Variants in EXT1 observed in about 807,000 individuals in gnomAD.
EXT1 encodes the protein exostosin-1.
A neutral mutation model predicts 82.5 loss-of-function variants in EXT1; 20 were observed. The ratio of observed to expected loss-of-function variants is 0.24; its 90% CI spans 0.17 to 0.35. The LOEUF (loss-of-function observed/expected upper bound fraction) is 0.35, where lower values mean the gene tolerates loss of function less well. Ranked by LOEUF, EXT1 falls within the 10% of genes least tolerant of loss-of-function variation. The pLI is 1.00. For missense variants in EXT1, 757 were observed against 936.5 expected (o/e 0.81, Z 2.50); for synonymous variants, 348 against 350.8 (o/e 0.99, Z 0.09).
chr8:117,849,365 A>G (rs1460045487), intron 1 of EXT1, among the ~76,000 whole-genome samples: 2 of 152,208 alleles, frequency 1.3e-5, no homozygotes, highest in Non-Finnish European at 2.9e-5. Flanking sequence ...CTGTGACCCC[A>G]GACCCTGTAC....
intron 1 of EXT1, among the ~76,000 whole-genome samples, chr8:118,080,509 A>T (rs948797140): frequency 6.6e-6 from 1 of 152,186 alleles, no homozygotes; most frequent in Non-Finnish European, 1.5e-5. Flanking sequence ...AGACTGAAAC[A>T]TTAGTTTTTA....
rs1816280229 is a variant in EXT1, at chr8:118,030,119, C to CGGT, written c.962+79965_962+79966insACC. Among the ~76,000 whole-genome samples, 46 of 152,084 alleles carry CGGT rather than the reference C, an allele frequency of 3.0e-4. 1 individual carries two copies. Among genetic ancestry groups the CGGT allele is most frequent in the Admixed American group, 3.0e-3 (46 of 15,272 alleles). On this transcript the variant is annotated intron_variant, in intron 1 of 10. Coordinates refer to ENST00000378204, the MANE Select transcript of EXT1 (RefSeq NM_000127.3). The stretch of plus-strand genomic sequence containing the variant: ...ATTAGATTTAAAACCGTGCTTTTCT[C>CGGT]TCTGAGGCTCTACAAACATCTCCCT...
chr8:117,972,556 G>A (rs779292228), intron 1 of EXT1, among the ~76,000 whole-genome samples: 4 of 152,130 alleles, frequency 2.6e-5, no homozygotes, highest in Non-Finnish European at 5.9e-5. Context: ...AAACACTCAC[G>A]CACACATACT....
intron 1 of EXT1, among the ~76,000 whole-genome samples, chr8:118,007,757 A>G (rs1236808394): frequency 6.6e-6 from 1 of 152,240 alleles, no homozygotes; most frequent in Non-Finnish European, 1.5e-5. Flanking sequence ...AGAAAGGAAC[A>G]GGGAGATGAC....
intron 1 of EXT1, among the ~76,000 whole-genome samples, chr8:118,062,130 C>T (rs1044898827): frequency 6.6e-6 from 1 of 152,146 alleles, no homozygotes; most frequent in African/African-American, 2.4e-5. Flanking sequence ...AACGTGGACA[C>T]GTGTTCCATG....
At chr8:117,926,359 T>C (rs537426028) in intron 1 of EXT1, among the ~76,000 whole-genome samples, 2 of 152,168 alleles carry the variant, frequency 1.3e-5, no homozygotes, top group East Asian at 3.9e-4. Flanking sequence ...AAAACTCGAG[T>C]GAGTTCCTTT....
chr8:117,946,047 G>A lies in EXT1; in HGVS notation c.963-108846C>T, dbSNP rs17453323. Among the ~76,000 whole-genome samples the A allele has an allele frequency of 4.8e-3, 733 of 152,148 alleles. 5 individuals are homozygous for A. Among genetic ancestry groups the A allele is most frequent in the Middle Eastern group, 0.014 (4 of 294 alleles). On this transcript the variant is annotated intron_variant, in intron 1 of 10. Coordinates refer to ENST00000378204, the MANE Select transcript of EXT1 (RefSeq NM_000127.3). ...TCTCCTGAGCTGGGATTATAGGCGC[G>A]TGCCACCATGCCCGGCTAATTTTAT...
intron 1 of EXT1, among the ~76,000 whole-genome samples, chr8:117,858,055 T>C (rs560143955): frequency 6.6e-6 from 1 of 152,324 alleles, no homozygotes; most frequent in African/African-American, 2.4e-5. Context: ...AGCAATCTTA[T>C]AAAACTTGAA....
intron 1 of EXT1, among the ~76,000 whole-genome samples, chr8:117,934,429 T>C (rs1814120204): frequency 6.6e-6 from 1 of 152,282 alleles, no homozygotes. Flanking sequence ...TGCCTGCATG[T>C]TGCAAGAGGC....
intron 1 of EXT1, among the ~76,000 whole-genome samples, chr8:118,014,720 G>A (rs1476013478): frequency 6.6e-6 from 1 of 152,084 alleles, no homozygotes; most frequent in Non-Finnish European, 1.5e-5. Context: ...ATTATAGGTA[G>A]GAGCCACCAT....
At chr8:117,961,845 T>C (rs1024872051) in intron 1 of EXT1, among the ~76,000 whole-genome samples, 2 of 152,098 alleles carry the variant, frequency 1.3e-5, no homozygotes, top group African/African-American at 4.8e-5. Flanking sequence ...TCTAAACAAC[T>C]CCTTTCATGG....
intron 1 of EXT1, among the ~76,000 whole-genome samples, chr8:117,842,310 T>C (rs560083651): frequency 1.1e-3 from 164 of 152,342 alleles, no homozygotes; most frequent in African/African-American, 3.8e-3. Flanking sequence ...GATTAAGTGA[T>C]ACATTTTAAC....
intron 1 of EXT1, among the ~76,000 whole-genome samples, chr8:117,922,464 A>G (rs1813874350): frequency 6.6e-6 from 1 of 152,190 alleles, no homozygotes; most frequent in Admixed American, 6.5e-5. Flanking sequence ...TTTTCGTTTC[A>G]TTTAGAAACT....
chr8:117,815,840 G>A (rs538864764), intron 7 of EXT1, among the ~76,000 whole-genome samples: 1 of 151,392 alleles, frequency 6.6e-6, no homozygotes, highest in East Asian at 1.9e-4. Context: ...TGAGGCAGGA[G>A]AATCGCTTGA....
intron 1 of EXT1, among the ~76,000 whole-genome samples, chr8:117,985,243 G>A (rs1434386988): frequency 1.3e-5 from 2 of 152,198 alleles, no homozygotes; most frequent in African/African-American, 4.8e-5. Context: ...CACTCATTCT[G>A]CCAGCTCTCA....
intron 1 of EXT1, among the ~76,000 whole-genome samples, chr8:118,067,218 T>C (rs974615012): frequency 6.6e-6 from 1 of 152,260 alleles, no homozygotes; most frequent in Admixed American, 6.5e-5. Context: ...CTTGGGGCAC[T>C]GGTGCCATAC....
chr8:117,905,914 A>T (rs577126010), intron 1 of EXT1, among the ~76,000 whole-genome samples: 2 of 152,342 alleles, frequency 1.3e-5, no homozygotes, highest in East Asian at 3.9e-4. Flanking sequence ...CCATGAAAAA[A>T]ATCCATCACT....
At position 117,835,563 on chromosome 8, in the gene EXT1, A is replaced by T; in HGVS notation, c.1057-12T>A. On this transcript the variant is annotated splice_polypyrimidine_tract_variant and intron_variant, in intron 2 of 10. Transcript: ENST00000378204. Reference sequence around the variant, plus strand: ...GGGACGCAGGCAGCCTGAGCAAAAAAGGGGACTTCGTGAATGTGAGGAAAG... The same window carrying T: ...GGGACGCAGGCAGCCTGAGCAAAAATGGGGACTTCGTGAATGTGAGGAAAG... The T allele has an allele frequency of 6.2e-7, 1 of 1,601,720 alleles. No individual in the cohort carries two copies. The highest frequency in any genetic ancestry group is 2.2e-5 in the East Asian group (1 of 44,838).
At chr8:117,962,790 G>A (rs573932990) in intron 1 of EXT1, among the ~76,000 whole-genome samples, 2 of 145,490 alleles carry the variant, frequency 1.4e-5, no homozygotes, top group South Asian at 2.2e-4. Flanking sequence ...AGAAAAAATG[G>A]TGGCACACAC....
Sources: gnomAD v4.1 joint callset for allele counts (sites outside exome capture counted in the v4.1 genomes callset) on GRCh38, gnomAD v4.1.1 for gene constraint, MANE v1.5 for transcripts, NCBI Gene and HGNC (gene_info 2026-07-23, HGNC 2026-07-21) for gene names.